The following FAM135B variants were observed in gnomAD, a reference collection of about 807,000 sequenced individuals.
The protein encoded by FAM135B is protein FAM135B.
A neutral mutation model predicts 127.7 loss-of-function variants in FAM135B; 43 were observed. That is an observed-to-expected ratio of 0.34 (90% CI 0.26 to 0.43). FAM135B has a LOEUF of 0.43. Ranked by LOEUF, FAM135B falls within the 20% of genes least tolerant of loss-of-function variation. The probability of loss-of-function intolerance (pLI) is 1.00; values close to 1 mark genes in which losing one functional copy is unlikely to be tolerated. For missense variants in FAM135B, 1,558 were observed against 1,725.6 expected, an observed-to-expected ratio of 0.90 and a Z score of 1.72; for synonymous variants, 670 against 665.1, an observed-to-expected ratio of 1.01 and a Z score of -0.11.
At chr8:138,295,719 T>C (rs1825435046) in intron 3 of FAM135B, among the ~76,000 whole-genome samples, 1 of 152,128 alleles carries the variant, frequency 6.6e-6, no homozygotes, top group African/African-American at 2.4e-5. Flanking sequence ...CAATCTGTGA[T>C]CTGCACAAAC....
chr8:138,440,555 C>G (rs966089171), intron 1 of FAM135B: 1 of 152,036 alleles, frequency 6.6e-6, no homozygotes, highest in Non-Finnish European at 1.5e-5. Context: ...TCACCATCAC[C>G]GTCATCACCA....
chr8:138,163,635 G>C (rs965458989), intron 12 of FAM135B, among the ~76,000 whole-genome samples: 1 of 152,058 alleles, frequency 6.6e-6, no homozygotes. Flanking sequence ...CATGTAAGAC[G>C]TGCGTTTCAC....
intron 2 of FAM135B, among the ~76,000 whole-genome samples, chr8:138,324,094 TC>T (rs1208394283): frequency 1.2e-4 from 18 of 152,180 alleles, no homozygotes; most frequent in African/African-American, 4.1e-4. Flanking sequence ...AAACTGCAAA[TC>T]CCCGTGTCCC....
rs978627515 is a variant in FAM135B at position 138,265,859 on chromosome 8, A to G, written c.158-17T>C. 8.1e-6 allele frequency: 13 copies of G among 1,611,608 alleles called. No homozygotes were observed. The highest frequency in any genetic ancestry group is 1.1e-5 in the Non-Finnish European group (13 of 1,179,522). On this transcript the variant is annotated splice_polypyrimidine_tract_variant and intron_variant, in intron 3 of 19. Transcript: ENST00000395297. ...TGCTGCTCTCTGCAAAACAAGAATC[A>G]GTAGGAACCCATGAACTCCAATACT...
At chr8:138,359,939 T>C (rs12114316) in intron 2 of FAM135B, among the ~76,000 whole-genome samples, 4,846 of 152,250 alleles carry the variant, frequency 0.032, 218 homozygotes, top group African/African-American at 0.1. Flanking sequence ...TCCTAACATT[T>C]CTATGAGCCT....
chr8:138,295,818 T>C (rs1825439959), intron 3 of FAM135B, among the ~76,000 whole-genome samples: 2 of 152,198 alleles, frequency 1.3e-5, no homozygotes, highest in Non-Finnish European at 2.9e-5. Context: ...GCCTGGAAGA[T>C]AAAAGGCTTT....
intron 8 of FAM135B, among the ~76,000 whole-genome samples, chr8:138,195,803 T>G (rs1445162854): frequency 6.6e-6 from 1 of 152,222 alleles, no homozygotes; most frequent in Non-Finnish European, 1.5e-5. Flanking sequence ...GGCCATCTTA[T>G]CAGCAGAAAC....
rs774190593 is a variant in FAM135B, at chr8:138,151,675, C to A, written c.2800G>T (p.Val934Leu). The A allele has an allele frequency of 6.2e-7, 1 of 1,614,104 alleles. No individual in the cohort carries two copies. ...SEVEGLSQHQ[V>L]PELSCTSAAD... ...GCTGACGTACAGCTCAATTCAGGCA[C>A]CTGATGTTGAGAGAGACCCTCAACC... Residue 934 changes from valine to leucine, a missense_variant, in exon 13 of 20, where the codon GTG becomes TTG. Val to Leu is a conservative substitution (Grantham distance 32). Transcript: ENST00000395297.
At chr8:138,395,532 T>C (rs1177503345) in intron 1 of FAM135B, among the ~76,000 whole-genome samples, 1 of 152,170 alleles carries the variant, frequency 6.6e-6, no homozygotes, top group African/African-American at 2.4e-5. Flanking sequence ...TACAGCCCTA[T>C]TAGATTACAG....
intron 12 of FAM135B, among the ~76,000 whole-genome samples, chr8:138,157,261 A>G (rs1043751266): frequency 1.9e-4 from 29 of 152,220 alleles, no homozygotes; most frequent in African/African-American, 7.0e-4. Flanking sequence ...TCATGCTAAA[A>G]ATTCTCAATA....
intron 1 of FAM135B, among the ~76,000 whole-genome samples, chr8:138,415,305 A>T (rs1234350512): frequency 6.6e-6 from 1 of 152,198 alleles, no homozygotes; most frequent in Non-Finnish European, 1.5e-5. Flanking sequence ...CCATGAGTAA[A>T]GGGACTCACA....
rs1344414637 is a variant in FAM135B at position 138,309,006 on chromosome 8, G to C, written c.157+1835C>G. On this transcript the variant is annotated intron_variant, in intron 3 of 19. Coordinates refer to ENST00000395297, the MANE Select transcript of FAM135B (RefSeq NM_015912.4). ...GGCTACTTACCTTGTGCTGGTTCTT[G>C]TTCTGACATATGTATATTTAGAACC... 1.3e-5 allele frequency: 6 copies of C among 454,832 alleles called. 1 individual carries two copies. The highest frequency in any genetic ancestry group is 7.8e-5 in the South Asian group (5 of 64,308). The allele number at this position is 454,832 out of a possible 1,614,324, so 28.2% of individuals were successfully genotyped here.
chr8:138,490,108 G>A (rs991413238), intron 1 of FAM135B, among the ~76,000 whole-genome samples: 16 of 152,150 alleles, frequency 1.1e-4, no homozygotes, highest in Admixed American at 7.2e-4. Context: ...AGGCACTTTG[G>A]AAATAAAATT....
rs1169335316 is a variant in FAM135B at position 138,130,263 on chromosome 8, TAAA to T, written c.*2327_*2329del. On this transcript the variant is annotated 3_prime_UTR_variant, in exon 20 of 20. Coordinates refer to ENST00000395297, the MANE Select transcript of FAM135B (RefSeq NM_015912.4). The stretch of plus-strand genomic sequence containing the variant: ...ATCTATATTTCAATAGAAAGAGACA[TAAA>T]AAAGCCTTTTCAAATGAGGCATGAC... 3 of 151,488 alleles carry T rather than the reference TAAA, an allele frequency of 2.0e-5. No homozygotes were observed. The highest frequency in any genetic ancestry group is 7.3e-5 in the African/African-American group (3 of 41,286). The allele number at this position is 151,488 out of a possible 1,614,324, so 9.4% of individuals were successfully genotyped here.
intron 1 of FAM135B, among the ~76,000 whole-genome samples, chr8:138,428,883 T>A (rs903781229): frequency 6.6e-6 from 1 of 152,246 alleles, no homozygotes; most frequent in Admixed American, 6.5e-5. Context: ...GGGAGTCTTA[T>A]CAGATCATTT....
intron 2 of FAM135B, among the ~76,000 whole-genome samples, chr8:138,318,533 G>A (rs760757664): frequency 6.6e-6 from 1 of 152,140 alleles, no homozygotes; most frequent in Non-Finnish European, 1.5e-5. Context: ...GCAGCTCAAG[G>A]GTAAATGAAG....
At chr8:138,298,816 G>T (rs1327722867) in intron 3 of FAM135B, among the ~76,000 whole-genome samples, 1 of 152,076 alleles carries the variant, frequency 6.6e-6, no homozygotes, top group South Asian at 2.1e-4. Flanking sequence ...AGGGACAGGG[G>T]TATCAGGACC....
intron 2 of FAM135B, among the ~76,000 whole-genome samples, chr8:138,344,577 C>CTTTCT (rs1488668233): frequency 0.016 from 1,358 of 83,900 alleles, 64 homozygotes; most frequent in Admixed American, 0.11. Context: ...TTCTTTCTTT[C>CTTTCT]TTTTTTTTTT....
chr8:138,464,059 T>G (rs904649914), intron 1 of FAM135B, among the ~76,000 whole-genome samples: 6 of 152,308 alleles, frequency 3.9e-5, no homozygotes, highest in African/African-American at 1.4e-4. Flanking sequence ...AATGTCCGTA[T>G]TCACTCATTC....
Sources: gnomAD v4.1 joint callset for allele counts (sites outside exome capture counted in the v4.1 genomes callset) on GRCh38, gnomAD v4.1.1 for gene constraint, MANE v1.5 for transcripts, NCBI Gene and HGNC (gene_info 2026-07-23, HGNC 2026-07-21) for gene names.